The following DPP10 variants were observed in gnomAD, a reference collection of about 807,000 sequenced individuals.
The protein encoded by DPP10 is inactive dipeptidyl peptidase 10.
Under a neutral mutation model 120.9 loss-of-function variants are expected in DPP10, and 33 were observed. That is an observed-to-expected ratio of 0.27 (90% CI 0.21 to 0.37). The LOEUF is 0.37. Among genes scored for constraint, DPP10 ranks in the 10% least tolerant of loss-of-function variants. The probability of loss-of-function intolerance (pLI) is 1.00; values close to 1 mark genes in which losing one functional copy is unlikely to be tolerated. For missense variants in DPP10, 816 were observed against 942.8 expected, an observed-to-expected ratio of 0.87 and a Z score of 1.76; for synonymous variants, 337 against 326.1, an observed-to-expected ratio of 1.03 and a Z score of -0.36.
chr2:115,118,867 G>A (rs888166327), intron 1 of DPP10, among the ~76,000 whole-genome samples: 3 of 151,762 alleles, frequency 2.0e-5, no homozygotes, highest in Middle Eastern at 3.4e-3. Context: ...CACCCACCTC[G>A]GCCTCTCAAA....
chr2:115,134,946 C>T (rs955684174), intron 1 of DPP10, among the ~76,000 whole-genome samples: 1 of 152,028 alleles, frequency 6.6e-6, no homozygotes, highest in African/African-American at 2.4e-5. Flanking sequence ...AGGGAGGGAA[C>T]GTTCCACACT....
intron 15 of DPP10, among the ~76,000 whole-genome samples, chr2:115,779,480 T>A (rs1279921707): frequency 6.6e-6 from 1 of 152,096 alleles, no homozygotes; most frequent in Non-Finnish European, 1.5e-5. Context: ...GTAGTCATTG[T>A]TACTTTCTTT....
intron 1 of DPP10, among the ~76,000 whole-genome samples, chr2:115,042,195 T>C (rs918452589): frequency 6.6e-6 from 1 of 152,158 alleles, no homozygotes; most frequent in African/African-American, 2.4e-5. Context: ...TTTTAAATTA[T>C]GCAATACAAG....
intron 1 of DPP10, among the ~76,000 whole-genome samples, chr2:115,110,384 G>T (rs1043433059): frequency 3.3e-5 from 5 of 152,158 alleles, no homozygotes; most frequent in African/African-American, 9.7e-5. Context: ...TCTTGGAGAT[G>T]AAAATAAATG....
chr2:115,020,889 T>C (rs980574935), intron 1 of DPP10, among the ~76,000 whole-genome samples: 3 of 152,034 alleles, frequency 2.0e-5, no homozygotes, highest in African/African-American at 7.2e-5. Flanking sequence ...TGCAAATACA[T>C]GGAAATTAAA....
intron 5 of DPP10, among the ~76,000 whole-genome samples, chr2:115,689,144 T>C (rs2091171710): frequency 6.6e-6 from 1 of 152,170 alleles, no homozygotes; most frequent in Admixed American, 6.5e-5. Flanking sequence ...TGCAGGAAAC[T>C]GTGCGAGATG....
rs188105191 is a variant in DPP10, at chr2:115,067,961, T to C, written c.61-241278T>C. 3.0e-4 allele frequency among the ~76,000 whole-genome samples: 45 copies of C among 151,890 alleles called. No homozygotes were observed. The East Asian group carries it at 8.6e-3, about 29-fold the overall frequency. On this transcript the variant is annotated intron_variant, in intron 1 of 25. Coordinates refer to ENST00000410059, the MANE Select transcript of DPP10 (RefSeq NM_020868.6). ...TTTTTGTGTCTGTGTATTTTCTTTG[T>C]CTATTCATCTGTCTATGAAAACAGT...
At chr2:114,837,452 C>A (rs1687833190) in intron 1 of DPP10, among the ~76,000 whole-genome samples, 1 of 152,084 alleles carries the variant, frequency 6.6e-6, no homozygotes, top group African/African-American at 2.4e-5. Context: ...TTAGCAGTGT[C>A]ATGGAGATAG....
At chr2:114,510,519 G>T (rs1414918586) in intron 1 of DPP10, among the ~76,000 whole-genome samples, 2 of 152,160 alleles carry the variant, frequency 1.3e-5, no homozygotes, top group South Asian at 2.1e-4. Flanking sequence ...CAGGAGAATT[G>T]CTTGAACCCG....
At chr2:115,415,841 T>TTTTATA (rs1553592806) in intron 3 of DPP10, among the ~76,000 whole-genome samples, 1 of 74,296 alleles carries the variant, frequency 1.3e-5, no homozygotes, top group African/African-American at 5.1e-5. Context: ...TGATTTGCTT[T>TTTTATA]TATATATATA....
intron 3 of DPP10, among the ~76,000 whole-genome samples, chr2:115,470,145 C>T (rs776858964): frequency 3.3e-5 from 5 of 152,192 alleles, no homozygotes; most frequent in East Asian, 1.9e-4. Context: ...GAATTGCCCT[C>T]TTCTAAAGCA....
At chr2:115,277,348 C>G (rs1257358137) in intron 1 of DPP10, among the ~76,000 whole-genome samples, 3 of 150,938 alleles carry the variant, frequency 2.0e-5, no homozygotes, top group African/African-American at 7.3e-5. Context: ...GACTTTAAGA[C>G]TGTCAGTCTG....
At chr2:115,358,002 A>G (rs1048041495) in intron 3 of DPP10, among the ~76,000 whole-genome samples, 2 of 151,778 alleles carry the variant, frequency 1.3e-5, no homozygotes, top group Non-Finnish European at 2.9e-5. Context: ...CCAGGAAACC[A>G]TTTTTTTCTC....
intron 1 of DPP10, among the ~76,000 whole-genome samples, chr2:114,685,734 G>T (rs1444982707): frequency 6.6e-6 from 1 of 151,820 alleles, no homozygotes; most frequent in Non-Finnish European, 1.5e-5. Context: ...CCCAGTGATT[G>T]TGCTCCTGGT....
At chr2:115,694,926 T>C (rs573260098) in intron 7 of DPP10, among the ~76,000 whole-genome samples, 7 of 152,128 alleles carry the variant, frequency 4.6e-5, no homozygotes, top group Non-Finnish European at 5.9e-5. Context: ...TAAGTAAGGA[T>C]TTGTATTCTT....
intron 1 of DPP10, among the ~76,000 whole-genome samples, chr2:114,460,005 A>G (rs1678790173): frequency 6.6e-6 from 1 of 152,192 alleles, no homozygotes; most frequent in Non-Finnish European, 1.5e-5. Flanking sequence ...ATCTTCTTAC[A>G]AACCATCTAC....
intron 1 of DPP10, among the ~76,000 whole-genome samples, chr2:114,797,856 T>C (rs901565262): frequency 3.9e-5 from 6 of 152,248 alleles, no homozygotes; most frequent in African/African-American, 1.4e-4. Context: ...TGTCAAAGAA[T>C]ATAGTAAGAA....
rs1448595370 is a variant in DPP10 at position 114,465,512 on chromosome 2, G to T, written c.60+22674G>T. On this transcript the variant is annotated intron_variant, in intron 1 of 25. Transcript: ENST00000410059. ...GCCAATGGCTGCTGCAGCACTTCCTGATATCTAGATCACAAAGTCCCTGAA... is the reference window on the plus strand; with the variant it reads ...GCCAATGGCTGCTGCAGCACTTCCTTATATCTAGATCACAAAGTCCCTGAA... Among the ~76,000 whole-genome samples the T allele has an allele frequency of 2.0e-5, 3 of 152,046 alleles. No homozygotes were observed. In the East Asian group the frequency reaches 5.8e-4, roughly 29 times the overall value.
intron 1 of DPP10, among the ~76,000 whole-genome samples, chr2:114,533,687 A>G (rs1181068526): frequency 4.6e-5 from 7 of 152,198 alleles, no homozygotes; most frequent in Admixed American, 2.0e-4. Context: ...GTTTGAAAAT[A>G]TCTTTATTGA....
Sources: gnomAD v4.1 joint callset for allele counts (sites outside exome capture counted in the v4.1 genomes callset) on GRCh38, gnomAD v4.1.1 for gene constraint, MANE v1.5 for transcripts, NCBI Gene and HGNC (gene_info 2026-07-23, HGNC 2026-07-21) for gene names.